The following KYNU variants were observed in gnomAD, a reference collection of about 807,000 sequenced individuals.
KYNU encodes the protein kynureninase.
In KYNU, 54 loss-of-function variants were observed where a neutral mutation model predicts 59.2. That is an observed-to-expected ratio of 0.91 (90% CI 0.73 to 1.14). The LOEUF (loss-of-function observed/expected upper bound fraction) is 1.14. Among genes scored for constraint, KYNU ranks in the 50% most tolerant of loss-of-function variants. The pLI is 0.00. For missense variants in KYNU, 567 were observed against 554.4 expected (o/e 1.02, Z -0.23); for synonymous variants, 177 against 192.0 (o/e 0.92, Z 0.65).
chr2:143,018,693 A>G (rs1025757192), intron 10 of KYNU, among the ~76,000 whole-genome samples: 7 of 152,086 alleles, frequency 4.6e-5, no homozygotes, highest in African/African-American at 1.7e-4. Flanking sequence ...TGGTAGCTTG[A>G]TATAGGAATG....
rs10528472 is a variant in KYNU, at chr2:143,042,583, G to GATATAT, written c.*454_*459dup. On this transcript the variant is annotated 3_prime_UTR_variant, in exon 14 of 14. Coordinates refer to ENST00000264170, the MANE Select transcript of KYNU (RefSeq NM_003937.3). ...GAGTTTCTTTGAAGCATTGTAGTCTGATATATATATATATATATATATATA... is the reference window on the plus strand; with the variant it reads ...GAGTTTCTTTGAAGCATTGTAGTCTGATATATATATATATATATATATATATATATA... The GATATAT allele has an allele frequency of 2.6e-4, 36 of 136,398 alleles. No homozygotes were observed. The highest frequency in any genetic ancestry group is 4.6e-4 in the African/African-American group (15 of 32,956). The allele number at this position is 136,398 out of a possible 1,614,324, so 8.4% of individuals were successfully genotyped here. A position where few individuals can be genotyped will look rare whatever the true frequency, so the allele number is the denominator to read the frequency against.
At chr2:142,990,476 A>T (rs1373589995) in intron 10 of KYNU, among the ~76,000 whole-genome samples, 1 of 151,856 alleles carries the variant, frequency 6.6e-6, no homozygotes, top group Non-Finnish European at 1.5e-5. Context: ...GAGCCCATAC[A>T]TTGCGATTTA....
At chr2:143,006,407 G>A (rs533073178) in intron 10 of KYNU, among the ~76,000 whole-genome samples, 121 of 151,792 alleles carry the variant, frequency 8.0e-4, no homozygotes, top group Non-Finnish European at 1.6e-3. Context: ...AGGGTCCTAC[G>A]CCCATGGAAT....
At chr2:142,883,101 A>G (rs1270386835) in intron 1 of KYNU, among the ~76,000 whole-genome samples, 1 of 150,786 alleles carries the variant, frequency 6.6e-6, no homozygotes, top group Non-Finnish European at 1.5e-5. Flanking sequence ...GTAAATTTAT[A>G]TCACATTACT....
chr2:142,973,794 A>G (rs1007475011), intron 8 of KYNU, among the ~76,000 whole-genome samples: 6 of 152,322 alleles, frequency 3.9e-5, no homozygotes, highest in African/African-American at 1.4e-4. Flanking sequence ...AGACAGACAG[A>G]AAATAGAGAA....
In KYNU at chr2:143,042,043, A is replaced by G; in HGVS notation, c.1273-4A>G. The G allele has an allele frequency of 1.2e-6, 2 of 1,611,468 alleles. No homozygotes were observed. Among genetic ancestry groups the G allele is most frequent in the Non-Finnish European group, 8.5e-7 (1 of 1,178,214 alleles). ...ATTATTGTGGCTTTATTTTTTCCCC[A>G]CAGTGTGACAAGCGGAATCCAAATG... is the stretch of plus-strand genomic sequence containing the variant. On this transcript the variant is annotated splice_region_variant and splice_polypyrimidine_tract_variant and intron_variant, in intron 13 of 13. Coordinates refer to ENST00000264170, the MANE Select transcript of KYNU (RefSeq NM_003937.3).
chr2:142,986,543 G>A (rs1685206148), intron 10 of KYNU, among the ~76,000 whole-genome samples: 1 of 151,836 alleles, frequency 6.6e-6, no homozygotes, highest in South Asian at 2.1e-4. Context: ...ACAACAGACT[G>A]ACTACATAAA....
chr2:142,988,249 C>T (rs12620051), intron 10 of KYNU, among the ~76,000 whole-genome samples: 16,764 of 151,948 alleles, frequency 0.11, 1,019 homozygotes, highest in East Asian at 0.26. Flanking sequence ...GTACTGACCC[C>T]TAAGTACTTC....
chr2:143,007,145 G>A (rs1281794839), intron 10 of KYNU, among the ~76,000 whole-genome samples: 1 of 151,816 alleles, frequency 6.6e-6, no homozygotes, highest in Non-Finnish European at 1.5e-5. Flanking sequence ...AGGCAAAGAA[G>A]TTGAAAACTT....
intron 4 of KYNU, among the ~76,000 whole-genome samples, chr2:142,952,904 C>T (rs1293904080): frequency 6.6e-6 from 1 of 151,470 alleles, no homozygotes; most frequent in Non-Finnish European, 1.5e-5. Context: ...TTTTTCTTTC[C>T]TCCTTCCACT....
rs925471717 is a variant in KYNU at position 143,006,811 on chromosome 2, G to A, written c.902+20790G>A. ...GCAGGAGCACACTGACACCTCACACGGCAGGGTATTCCAACAGACCCTGCA... is the reference window on the plus strand; with the variant it reads ...GCAGGAGCACACTGACACCTCACACAGCAGGGTATTCCAACAGACCCTGCA... On this transcript the variant is annotated intron_variant, in intron 10 of 13. Transcript: ENST00000264170. Among the ~76,000 whole-genome samples, 5 of 151,670 alleles carry A rather than the reference G, an allele frequency of 3.3e-5. No individual in the cohort carries two copies. The East Asian group carries it at 7.8e-4, about 24-fold the overall frequency.
chr2:143,007,165 T>C (rs566447543), intron 10 of KYNU, among the ~76,000 whole-genome samples: 1 of 150,974 alleles, frequency 6.6e-6, no homozygotes, highest in South Asian at 2.1e-4. Context: ...TCGAAAAAAA[T>C]TTAGAAGAAT....
chr2:142,878,748 G>A (rs1213384450), intron 1 of KYNU, among the ~76,000 whole-genome samples: 1 of 152,160 alleles, frequency 6.6e-6, no homozygotes, highest in Admixed American at 6.5e-5. Flanking sequence ...AAATAAAATT[G>A]TGAAAGCACA....
At chr2:143,038,609 C>T (rs1686953299) in intron 12 of KYNU, among the ~76,000 whole-genome samples, 1 of 152,164 alleles carries the variant, frequency 6.6e-6, no homozygotes, top group Non-Finnish European at 1.5e-5. Flanking sequence ...AGACTTCAGA[C>T]ATTGTCTGGG....
chr2:142,981,414 T>A (rs1337442712), intron 8 of KYNU, among the ~76,000 whole-genome samples: 2 of 152,116 alleles, frequency 1.3e-5, no homozygotes, highest in Non-Finnish European at 2.9e-5. Context: ...AATTAACTTT[T>A]TTCCCCATAT....
chr2:142,974,251 G>T (rs1329355476), intron 8 of KYNU, among the ~76,000 whole-genome samples: 2 of 152,204 alleles, frequency 1.3e-5, no homozygotes, highest in Admixed American at 1.3e-4. Flanking sequence ...AAAGTGGGCT[G>T]GAGGGGAAAG....
rs1553494052 is a variant in KYNU, at chr2:143,050,206, G to A, written c.*8034G>A. The stretch of plus-strand genomic sequence containing the variant: ...AAAAATTTCTTCTAAAGAAAACCAG[G>A]ATACATGTGCAGAACCTGCAGGTTT... On this transcript the variant is annotated 3_prime_UTR_variant, in exon 14 of 14. Transcript: ENST00000264170. 1 of 151,552 alleles carries A rather than the reference G, an allele frequency of 6.6e-6. No individual in the cohort carries two copies. Among genetic ancestry groups the A allele is most frequent in the Non-Finnish European group, 1.5e-5 (1 of 67,924 alleles). The allele number at this position is 151,552 out of a possible 1,614,324, so 9.4% of individuals were successfully genotyped here. A position where few individuals can be genotyped will look rare whatever the true frequency, so the allele number is the denominator to read the frequency against.
chr2:142,935,025 A>G (rs746369893), intron 4 of KYNU, among the ~76,000 whole-genome samples: 29 of 152,064 alleles, frequency 1.9e-4, no homozygotes, highest in Non-Finnish European at 3.5e-4. Flanking sequence ...ATTTGAGACT[A>G]CCTGTGTTTT....
At chr2:142,987,729 G>C (rs1685258694) in intron 10 of KYNU, among the ~76,000 whole-genome samples, 1 of 151,860 alleles carries the variant, frequency 6.6e-6, no homozygotes, top group African/African-American at 2.4e-5. Context: ...TGTATCACTT[G>C]AACATTTAAT....
Sources: allele counts gnomAD v4.1 joint callset (sites outside exome capture counted in the v4.1 genomes callset), GRCh38; gene constraint gnomAD v4.1.1; transcripts MANE v1.5; gene names NCBI Gene and HGNC (gene_info 2026-07-23, HGNC 2026-07-21).